The following SLC22A3 variants were observed in gnomAD, a reference collection of about 807,000 sequenced individuals.
The protein encoded by SLC22A3 is solute carrier family 22 member 3, also known as EMT organic cation transporter 3.
SLC22A3 carries 51 observed loss-of-function variants against 59.1 expected under a neutral mutation model. The observed-to-expected ratio is 0.86, with a 90% confidence interval of 0.69 to 1.09. The LOEUF is 1.09. Ranked by LOEUF, SLC22A3 falls within the 50% of genes least tolerant of loss-of-function variation. The probability of loss-of-function intolerance (pLI) is 0.00; values close to 1 mark genes in which losing one functional copy is unlikely to be tolerated. For missense variants in SLC22A3, 711 were observed against 726.3 expected (o/e 0.98, Z 0.24); for synonymous variants, 325 against 292.0 (o/e 1.11, Z -1.15).
chr6:160,426,954 T>C (rs2504929), intron 5 of SLC22A3, among the ~76,000 whole-genome samples: 130,004 of 152,076 alleles, frequency 0.85, 56,054 homozygotes, highest in East Asian at 1. Context: ...TTAGTATGCT[T>C]CAGTTTCCTA....
chr6:160,449,938 C>T (rs1007139950), intron 10 of SLC22A3, among the ~76,000 whole-genome samples: 2 of 151,980 alleles, frequency 1.3e-5, no homozygotes, highest in South Asian at 4.2e-4. Context: ...CTTCAAAGGG[C>T]AAAAAGGAGA....
intron 1 of SLC22A3, among the ~76,000 whole-genome samples, chr6:160,392,503 T>C (rs1786302815): frequency 6.6e-6 from 1 of 152,256 alleles, no homozygotes; most frequent in Admixed American, 6.5e-5. Flanking sequence ...AAGGTGTGTA[T>C]ATGCCTGGTA....
At chr6:160,392,856 A>T (rs1277869823) in intron 1 of SLC22A3, among the ~76,000 whole-genome samples, 1 of 152,106 alleles carries the variant, frequency 6.6e-6, no homozygotes, top group East Asian at 1.9e-4. Context: ...TGCAAAATGT[A>T]GCCAGGAGCA....
intron 5 of SLC22A3, among the ~76,000 whole-genome samples, chr6:160,412,992 G>A (rs1319238038): frequency 1.3e-5 from 2 of 151,692 alleles, no homozygotes; most frequent in Non-Finnish European, 2.9e-5. Flanking sequence ...TAGAAAAATA[G>A]GCATCTAGAA....
intron 7 of SLC22A3, among the ~76,000 whole-genome samples, chr6:160,439,462 AGATT>A (rs1157914607): frequency 1.3e-5 from 2 of 152,176 alleles, no homozygotes; most frequent in Non-Finnish European, 2.9e-5. Flanking sequence ...CTCTGGTCCT[AGATT>A]GATTGGGATG....
chr6:160,410,256 A>T (rs1278636712), intron 4 of SLC22A3, among the ~76,000 whole-genome samples: 14 of 152,066 alleles, frequency 9.2e-5, no homozygotes, highest in Non-Finnish European at 2.1e-4. Flanking sequence ...ACCTAAAATG[A>T]TCCACCCACC....
At position 160,442,885 on chromosome 6, in the gene SLC22A3, G is replaced by A. The variant is rs1441883789; in HGVS notation, c.1397+16G>A. 1.9e-6 allele frequency: 3 copies of A among 1,575,422 alleles called. No individual in the cohort carries two copies. The highest frequency in any genetic ancestry group is 2.6e-6 in the Non-Finnish European group (3 of 1,144,932). ...CAACATTACGGTAATTCTAACAAAC[G>A]TTATAGTTTCTCCTAAGTAACTCTG... On this transcript the variant is annotated intron_variant, in intron 8 of 10. Transcript: ENST00000275300.
chr6:160,402,650 T>C (rs1168369796), intron 2 of SLC22A3, among the ~76,000 whole-genome samples: 1 of 151,778 alleles, frequency 6.6e-6, no homozygotes, highest in Non-Finnish European at 1.5e-5. Flanking sequence ...TTCTGGGCCA[T>C]AAAACATATA....
At chr6:160,376,918 G>A (rs1336648964) in intron 1 of SLC22A3, among the ~76,000 whole-genome samples, 1 of 152,202 alleles carries the variant, frequency 6.6e-6, no homozygotes, top group Non-Finnish European at 1.5e-5. Context: ...TGACAAATTA[G>A]AATGGCAATC....
chr6:160,388,123 C>A (rs1008754050), intron 1 of SLC22A3, among the ~76,000 whole-genome samples: 1 of 152,158 alleles, frequency 6.6e-6, no homozygotes, highest in Non-Finnish European at 1.5e-5. Flanking sequence ...AGCCTTCTGA[C>A]CTACAGCACC....
At chr6:160,383,805 TA>T in intron 1 of SLC22A3, among the ~76,000 whole-genome samples, 1 of 150,624 alleles carries the variant, frequency 6.6e-6, no homozygotes, top group Non-Finnish European at 1.5e-5. Flanking sequence ...CAAAAAAAAA[TA>T]TATAAATAAA....
chr6:160,380,690 G>A (rs1409255510), intron 1 of SLC22A3, among the ~76,000 whole-genome samples: 1 of 152,138 alleles, frequency 6.6e-6, no homozygotes, highest in Non-Finnish European at 1.5e-5. Context: ...AAAAAATTAA[G>A]TTATGTGCAA....
intron 1 of SLC22A3, among the ~76,000 whole-genome samples, chr6:160,351,105 TTTTTGTTTTG>T (rs570839192): frequency 6.6e-6 from 1 of 152,118 alleles, no homozygotes; most frequent in African/African-American, 2.4e-5. Context: ...GAGAGATTCT[TTTTTGTTTTG>T]TTTTGTTTTG....
At chr6:160,445,579 G>A (rs1047689841) in intron 9 of SLC22A3, among the ~76,000 whole-genome samples, 1 of 152,210 alleles carries the variant, frequency 6.6e-6, no homozygotes, top group East Asian at 1.9e-4. Context: ...TTGGAGGGAC[G>A]ATGTTGGGGG....
At chr6:160,447,593 G>A in intron 9 of SLC22A3, 126 bp from the exon 10 acceptor site, 1 of 779,182 alleles carries the variant, frequency 1.3e-6, no homozygotes, top group Non-Finnish European at 2.3e-6. Context: ...GATCTGGGAT[G>A]CAGAGGTTGC....
chr6:160,446,112 C>T (rs933980209), intron 9 of SLC22A3, among the ~76,000 whole-genome samples: 1 of 152,146 alleles, frequency 6.6e-6, no homozygotes, highest in Admixed American at 6.5e-5. Context: ...GAAGTGGAAA[C>T]CAAGTGAGAA....
intron 2 of SLC22A3, among the ~76,000 whole-genome samples, chr6:160,399,531 C>G (rs1416541477): frequency 1.3e-5 from 2 of 152,112 alleles, no homozygotes; most frequent in African/African-American, 2.4e-5. Flanking sequence ...TCATATAGGA[C>G]TTGCTGCCTT....
chr6:160,389,011 C>T (rs758401912), intron 1 of SLC22A3, among the ~76,000 whole-genome samples: 1 of 152,120 alleles, frequency 6.6e-6, no homozygotes, highest in Non-Finnish European at 1.5e-5. Context: ...CTGTCAGTTA[C>T]CCCCAAACCA....
intron 5 of SLC22A3, among the ~76,000 whole-genome samples, chr6:160,426,697 C>T (rs183006084): frequency 1.3e-5 from 2 of 152,266 alleles, no homozygotes; most frequent in African/African-American, 4.8e-5. Context: ...TTAGGCCATA[C>T]CTGCTGTGTC....
Sources: gnomAD v4.1 joint callset for allele counts (sites outside exome capture counted in the v4.1 genomes callset) on GRCh38, gnomAD v4.1.1 for gene constraint, MANE v1.5 for transcripts, NCBI Gene and HGNC (gene_info 2026-07-23, HGNC 2026-07-21) for gene names.